SPAG16: variants seen among roughly 807,000 people sequenced by gnomAD.
SPAG16 encodes sperm associated antigen 16.
SPAG16 carries 86 observed loss-of-function variants against 80.4 expected under a neutral mutation model. That is an observed-to-expected ratio of 1.07 (90% CI 0.90 to 1.28). The LOEUF (loss-of-function observed/expected upper bound fraction) is 1.28. Ranked by LOEUF, SPAG16 falls within the 50% of genes most tolerant of loss-of-function variation. The probability of loss-of-function intolerance (pLI) is 0.00; values close to 1 mark genes in which losing one functional copy is unlikely to be tolerated. For synonymous variants in SPAG16, 294 were observed against 265.9 expected, an observed-to-expected ratio of 1.11 and a Z score of -1.03; for missense variants, 870 against 765.3, an observed-to-expected ratio of 1.14 and a Z score of -1.61.
intron 10 of SPAG16, among the ~76,000 whole-genome samples, chr2:213,671,434 A>G (rs957478928): frequency 2.6e-5 from 4 of 152,122 alleles, no homozygotes; most frequent in Middle Eastern, 3.4e-3. Flanking sequence ...GTTTTGGGGA[A>G]GATGTCCATG....
At chr2:214,254,115 C>G (rs1410389578) in intron 15 of SPAG16, among the ~76,000 whole-genome samples, 1 of 82,464 alleles carries the variant, frequency 1.2e-5, no homozygotes, top group Non-Finnish European at 2.4e-5. Context: ...TTATTGGTGT[C>G]TGGTTTTGCA....
At chr2:214,394,511 T>A (rs1035778506) in intron 15 of SPAG16, among the ~76,000 whole-genome samples, 3 of 152,178 alleles carry the variant, frequency 2.0e-5, no homozygotes, top group African/African-American at 7.2e-5. Flanking sequence ...CTAAGAGATA[T>A]TTTACCTTTA....
At chr2:213,916,464 T>C (rs2077975521) in intron 11 of SPAG16, among the ~76,000 whole-genome samples, 1 of 152,226 alleles carries the variant, frequency 6.6e-6, no homozygotes. Flanking sequence ...TTCTGTTCCA[T>C]TGGTCTGTAT....
chr2:214,076,573 TGAGA>T (rs2051091775), intron 13 of SPAG16, among the ~76,000 whole-genome samples: 1 of 149,852 alleles, frequency 6.7e-6, no homozygotes, highest in Non-Finnish European at 1.5e-5. Context: ...GTGTTTGTGT[TGAGA>T]GAGTGTATGC....
At chr2:213,612,653 C>T (rs2061473620) in intron 10 of SPAG16, among the ~76,000 whole-genome samples, 1 of 152,172 alleles carries the variant, frequency 6.6e-6, no homozygotes, top group Non-Finnish European at 1.5e-5. Context: ...CTCACTGCTC[C>T]ACTTGACTAG....
At chr2:214,376,413 T>C (rs1700134890) in intron 15 of SPAG16, among the ~76,000 whole-genome samples, 1 of 152,172 alleles carries the variant, frequency 6.6e-6, no homozygotes, top group South Asian at 2.1e-4. Context: ...TGCAAAATCA[T>C]TTAGACCATG....
At chr2:214,008,209 T>A (rs1324190071) in intron 12 of SPAG16, among the ~76,000 whole-genome samples, 2 of 152,168 alleles carry the variant, frequency 1.3e-5, no homozygotes, top group Non-Finnish European at 2.9e-5. Context: ...CATTCTTACA[T>A]AGACCTCTTT....
chr2:213,823,625 G>T (rs2073089726), intron 10 of SPAG16, among the ~76,000 whole-genome samples: 1 of 152,124 alleles, frequency 6.6e-6, no homozygotes, highest in Non-Finnish European at 1.5e-5. Context: ...CTCCCAAAGT[G>T]CTCAGATTAC....
At chr2:214,245,999 C>A (rs1385990279) in intron 15 of SPAG16, among the ~76,000 whole-genome samples, 1 of 152,062 alleles carries the variant, frequency 6.6e-6, no homozygotes, top group Non-Finnish European at 1.5e-5. Context: ...GTATACGCCC[C>A]CATTGTATGG....
At chr2:214,332,964 G>A (rs1697028070) in intron 15 of SPAG16, among the ~76,000 whole-genome samples, 1 of 152,094 alleles carries the variant, frequency 6.6e-6, no homozygotes, top group Non-Finnish European at 1.5e-5. Flanking sequence ...AACAAAGAAA[G>A]TTATGATGTG....
intron 10 of SPAG16, among the ~76,000 whole-genome samples, chr2:213,771,297 T>C (rs987744091): frequency 1.3e-5 from 2 of 152,132 alleles, no homozygotes; most frequent in African/African-American, 4.8e-5. Context: ...TGTCCACTTT[T>C]TAATGTTTTT....
chr2:213,852,419 C>T (rs895978127), intron 10 of SPAG16, among the ~76,000 whole-genome samples: 1 of 152,186 alleles, frequency 6.6e-6, no homozygotes, highest in African/African-American at 2.4e-5. Context: ...CGTCTTTCTT[C>T]AGTCTAAAAG....
At chr2:213,594,060 C>G (rs992665977) in intron 10 of SPAG16, among the ~76,000 whole-genome samples, 1 of 152,018 alleles carries the variant, frequency 6.6e-6, no homozygotes, top group Non-Finnish European at 1.5e-5. Context: ...CAGGCGTGAG[C>G]CACCGCGCCC....
At chr2:214,055,948 C>A (rs2049917121) in intron 13 of SPAG16, among the ~76,000 whole-genome samples, 1 of 151,984 alleles carries the variant, frequency 6.6e-6, no homozygotes, top group Non-Finnish European at 1.5e-5. Context: ...TGAAGTGAAG[C>A]ACTATTGCTT....
intron 10 of SPAG16, among the ~76,000 whole-genome samples, chr2:213,608,811 G>A (rs989150606): frequency 6.6e-6 from 1 of 152,136 alleles, no homozygotes; most frequent in Non-Finnish European, 1.5e-5. Context: ...TCAGCCTCCC[G>A]AGTAGCTGGG....
chr2:213,910,063 C>A (rs922900770), intron 11 of SPAG16, among the ~76,000 whole-genome samples: 1 of 152,078 alleles, frequency 6.6e-6, no homozygotes, highest in African/African-American at 2.4e-5. Context: ...AAATACAATG[C>A]AAGAAGATAT....
intron 9 of SPAG16, among the ~76,000 whole-genome samples, chr2:213,421,651 A>G (rs1397995950): frequency 2.6e-5 from 4 of 152,232 alleles, no homozygotes; most frequent in African/African-American, 9.6e-5. Context: ...AGGACCAATC[A>G]GCACGTATTT....
At chr2:213,775,289 C>A (rs749740806) in intron 10 of SPAG16, among the ~76,000 whole-genome samples, 16 of 152,042 alleles carry the variant, frequency 1.1e-4, no homozygotes, top group Non-Finnish European at 1.9e-4. Flanking sequence ...GCTCTTGCAA[C>A]TTTTCTAAAT....
At chr2:213,916,337 G>T (rs564469111) in intron 11 of SPAG16, among the ~76,000 whole-genome samples, 1 of 152,254 alleles carries the variant, frequency 6.6e-6, no homozygotes, top group Non-Finnish European at 1.5e-5. Flanking sequence ...CATATGGCTA[G>T]CCAGTTTTCC....
Sources: allele counts gnomAD v4.1 joint callset (sites outside exome capture counted in the v4.1 genomes callset), GRCh38; gene constraint gnomAD v4.1.1; transcripts MANE v1.5; gene names NCBI Gene and HGNC (gene_info 2026-07-23, HGNC 2026-07-21).